The following CACNA1B variants were observed in gnomAD, a reference collection of about 807,000 sequenced individuals.
CACNA1B encodes calcium voltage-gated channel subunit alpha1 B.
CACNA1B carries 70 observed loss-of-function variants against 247.2 expected under a neutral mutation model. The observed-to-expected ratio is 0.28, with a 90% CI of 0.23 to 0.35. CACNA1B has a LOEUF of 0.35. Ranked by LOEUF, CACNA1B falls within the 10% of genes least tolerant of loss-of-function variation. The probability of loss-of-function intolerance (pLI) is 1.00; values close to 1 mark genes in which losing one functional copy is unlikely to be tolerated. For missense variants in CACNA1B, 2,367 were observed against 3,197.4 expected (o/e 0.74, Z 6.26); for synonymous variants, 1,231 against 1,294.4 (o/e 0.95, Z 1.05).
chr9:137,926,593 C>A (rs563105591), intron 6 of CACNA1B, among the ~76,000 whole-genome samples: 9 of 152,186 alleles, frequency 5.9e-5, no homozygotes, highest in Admixed American at 4.6e-4. Context: ...TTTTTAAGTT[C>A]ATGAGGAACT....
At chr9:137,937,235 TAAA>T (rs1220482144) in intron 6 of CACNA1B, among the ~76,000 whole-genome samples, 1 of 151,904 alleles carries the variant, frequency 6.6e-6, no homozygotes, top group African/African-American at 2.4e-5. Flanking sequence ...AGTGCATAAA[TAAA>T]AAACAATAAA....
At position 138,011,102 on chromosome 9, in the gene CACNA1B, C is replaced by G. The variant is rs542708522; in HGVS notation, c.2160+1025C>G. ...ATGGCCATGCCTATGCCTAGGGGCC[C>G]GGATTCCTCCCTGGCGCTCTGGTTT... On this transcript the variant is annotated intron_variant, in intron 17 of 46. Transcript: ENST00000371372. This position sits in a 1 kb window ranked among gnomAD's most constrained non-coding sequence, Gnocchi z 4.2. Among the ~76,000 whole-genome samples, 1 of 152,212 alleles carries G rather than the reference C, an allele frequency of 6.6e-6. No homozygotes were observed. The highest frequency in any genetic ancestry group is 1.5e-5 in the Non-Finnish European group (1 of 68,040).
intron 12 of CACNA1B, among the ~76,000 whole-genome samples, chr9:137,983,907 G>A (rs969615133): frequency 4.2e-5 from 5 of 119,756 alleles, no homozygotes; most frequent in Non-Finnish European, 6.8e-5. Flanking sequence ...GGTGGGGGGT[G>A]GGAGGGAGGG....
rs1960210615 is a variant in CACNA1B at position 138,073,670 on chromosome 9, C to G, written c.4791+66C>G. 1.1e-6 allele frequency: 1 copy of G among 913,898 alleles called. No individual in the cohort carries two copies. Among genetic ancestry groups the G allele is most frequent in the Admixed American group, 1.8e-5 (1 of 56,930 alleles). The allele number at this position is 913,898 out of a possible 1,614,324, so 56.6% of individuals were successfully genotyped here. ...CTCCGTCTTGCTTCCCCTGCCCCCA[C>G]CACAGTGGCCCCTCCTTTGGGAGGC... On this transcript the variant is annotated intron_variant, in intron 33 of 46. Transcript: ENST00000371372. The surrounding 1 kb of genome is among the most constrained non-coding windows in gnomAD (Gnocchi z 6.4).
At chr9:137,915,199 T>A (rs1325946805) in intron 5 of CACNA1B, among the ~76,000 whole-genome samples, 1 of 152,218 alleles carries the variant, frequency 6.6e-6, no homozygotes, top group Non-Finnish European at 1.5e-5. Context: ...CAAAGGCCTA[T>A]GGTGCGGAGC....
At position 138,073,147 on chromosome 9, in the gene CACNA1B, C is replaced by T. The variant is rs543383559; in HGVS notation, c.4675-341C>T. On this transcript the variant is annotated intron_variant, in intron 32 of 46. Transcript: ENST00000371372. This position sits in a 1 kb window ranked among gnomAD's most constrained non-coding sequence, Gnocchi z 6.4. Reference sequence around the variant, plus strand: ...CAAGAGGTGGTCACTGCTGGAGGCCCAGCCACAGGTGATCTCCCAGCTCAC... The same window carrying T: ...CAAGAGGTGGTCACTGCTGGAGGCCTAGCCACAGGTGATCTCCCAGCTCAC... Among the ~76,000 whole-genome samples the T allele has an allele frequency of 1.1e-4, 17 of 152,304 alleles. No homozygotes were observed. The East Asian group carries it at 3.3e-3, about 29-fold the overall frequency.
intron 41 of CACNA1B, among the ~76,000 whole-genome samples, chr9:138,115,011 A>G (rs1261873692): frequency 6.6e-6 from 1 of 152,100 alleles, no homozygotes; most frequent in African/African-American, 2.4e-5. Context: ...AAAATTGTCT[A>G]GATGTCCAGG....
chr9:138,086,306 G>T (rs192781469), intron 36 of CACNA1B, among the ~76,000 whole-genome samples: 2 of 151,330 alleles, frequency 1.3e-5, no homozygotes, highest in Admixed American at 6.6e-5. Flanking sequence ...CACGTAAACA[G>T]AAACCAAATT....
At chr9:137,887,094 G>A (rs1349669640) in intron 3 of CACNA1B, among the ~76,000 whole-genome samples, 1 of 151,832 alleles carries the variant, frequency 6.6e-6, no homozygotes, top group East Asian at 2.0e-4. Flanking sequence ...GCAGCTGGCG[G>A]TGAGGTTGGC....
At chr9:138,066,793 C>T (rs534800019) in intron 31 of CACNA1B, among the ~76,000 whole-genome samples, 2 of 151,806 alleles carry the variant, frequency 1.3e-5, no homozygotes, top group East Asian at 1.9e-4. Context: ...AAAAAGAAAA[C>T]GGTGTAAAAA....
chr9:138,061,601 C>T (rs932095392), intron 31 of CACNA1B, among the ~76,000 whole-genome samples: 5 of 152,170 alleles, frequency 3.3e-5, no homozygotes, highest in Admixed American at 6.5e-5. Flanking sequence ...GTGGACCCCG[C>T]GGTCACCTGG....
At chr9:137,921,575 G>A (rs1200672030) in intron 6 of CACNA1B, among the ~76,000 whole-genome samples, 4 of 146,928 alleles carry the variant, frequency 2.7e-5, no homozygotes, top group African/African-American at 7.6e-5. Context: ...TAAAGCGTTC[G>A]GAGAACATGA....
At chr9:138,046,310 G>A (rs1287821268) in intron 21 of CACNA1B, among the ~76,000 whole-genome samples, 1 of 152,216 alleles carries the variant, frequency 6.6e-6, no homozygotes, top group African/African-American at 2.4e-5. Flanking sequence ...GCAGTGTGTG[G>A]AGTGTGTCCC....
At position 138,112,420 on chromosome 9, in the gene CACNA1B, T is replaced by C; in HGVS notation, c.5451T>C (p.Cys1817=). 1 of 1,613,534 alleles carries C rather than the reference T, an allele frequency of 6.2e-7. No homozygotes were observed. Among genetic ancestry groups the C allele is most frequent in the East Asian group, 2.2e-5 (1 of 44,874 alleles). ...LAPAGTKQHQ[C]DAELRKEISV... is the part of the protein sequence containing the mutation. ...CAGCTGGGACAAAGCAGCATCAGTG[T>C]GACGCGGAGTTGAGGAAGGAGATTT... is the stretch of plus-strand genomic sequence containing the variant. Residue 1817 remains cysteine, a synonymous_variant, in exon 40 of 47, where the codon TGT becomes TGC. Coordinates refer to ENST00000371372, the MANE Select transcript of CACNA1B (RefSeq NM_000718.4).
At chr9:137,894,748 G>T (rs1028426336) in intron 3 of CACNA1B, among the ~76,000 whole-genome samples, 20 of 152,072 alleles carry the variant, frequency 1.3e-4, no homozygotes, top group Non-Finnish European at 1.5e-5. Context: ...CATATATTTT[G>T]CTCATATTCC....
At position 138,059,140 on chromosome 9, in the gene CACNA1B, C is replaced by T. The variant is rs764969611; in HGVS notation, c.4535C>T (p.Ser1512Phe). The change falls in exon 30 of 47, where the codon TCC (serine) becomes TTC (phenylalanine). Residue 1512 changes from serine to phenylalanine, a missense_variant. Around this residue, in one of 12 missense-constraint regions of CACNA1B, gnomAD observed 436 missense variants for 679.5 expected, o/e 0.64. Coordinates refer to ENST00000371372, the MANE Select transcript of CACNA1B (RefSeq NM_000718.4). The surrounding 1 kb of genome is among the most constrained non-coding windows in gnomAD (Gnocchi z 4.2). ...MLKCLNIVFTSMFSMECVLKI... is the reference protein window; with the variant it reads ...MLKCLNIVFTFMFSMECVLKI... The stretch of plus-strand genomic sequence containing the variant: ...AAATGCCTGAACATCGTGTTCACAT[C>T]CATGTTCTCCATGGAATGCGTGCTG... 1.9e-6 allele frequency: 3 copies of T among 1,612,778 alleles called. No individual in the cohort carries two copies. Among genetic ancestry groups the T allele is most frequent in the African/African-American group, 1.3e-5 (1 of 74,894 alleles).
At chr9:137,933,554 C>T (rs921181450) in intron 6 of CACNA1B, among the ~76,000 whole-genome samples, 6 of 152,116 alleles carry the variant, frequency 3.9e-5, no homozygotes, top group African/African-American at 1.4e-4. Flanking sequence ...TTGTCATTTC[C>T]ATGATTTTGA....
rs1478278949 is a variant in CACNA1B at position 137,881,467 on chromosome 9, T to C, written c.391-1277T>C. Among the ~76,000 whole-genome samples, 1 of 152,152 alleles carries C rather than the reference T, an allele frequency of 6.6e-6. No individual in the cohort carries two copies. The highest frequency in any genetic ancestry group is 2.4e-5 in the African/African-American group (1 of 41,434). On this transcript the variant is annotated intron_variant, in intron 2 of 46. Coordinates refer to ENST00000371372, the MANE Select transcript of CACNA1B (RefSeq NM_000718.4). This position sits in a 1 kb window ranked among gnomAD's most constrained non-coding sequence, Gnocchi z 4.3. ...GCACTCACCTCACCTGGCAGCTCTGTGGCAGCCCAGCAGCTGCTTCTTCCT... is the reference window on the plus strand; with the variant it reads ...GCACTCACCTCACCTGGCAGCTCTGCGGCAGCCCAGCAGCTGCTTCTTCCT...
intron 36 of CACNA1B, among the ~76,000 whole-genome samples, chr9:138,079,906 A>C (rs1182113746): frequency 6.8e-6 from 1 of 147,920 alleles, no homozygotes; most frequent in Non-Finnish European, 1.5e-5. Context: ...TGTTTATTGG[A>C]TGTGGAAAGG....
Sources: gnomAD v4.1 joint callset for allele counts (sites outside exome capture counted in the v4.1 genomes callset) on GRCh38, gnomAD v4.1.1 for gene constraint, gnomAD v4.1.1 regional missense constraint, Gnocchi (gnomAD v3.1) non-coding constraint, MANE v1.5 for transcripts, NCBI Gene and HGNC (gene_info 2026-07-23, HGNC 2026-07-21) for gene names.